BAZ2B: variants seen among roughly 807,000 people sequenced by gnomAD.
The protein encoded by BAZ2B is bromodomain adjacent to zinc finger domain protein 2B.
Under a neutral mutation model 246.0 loss-of-function variants are expected in BAZ2B, and 91 were observed. The ratio of observed to expected loss-of-function variants is 0.37; its 90% CI spans 0.31 to 0.44. BAZ2B has a LOEUF of 0.44. Ranked by LOEUF, BAZ2B falls within the 20% of genes least tolerant of loss-of-function variation. The probability of loss-of-function intolerance (pLI) is 1.00; values close to 1 mark genes in which losing one functional copy is unlikely to be tolerated. For synonymous variants in BAZ2B, 855 were observed against 860.0 expected (o/e 0.99, Z 0.10); for missense variants, 2,332 against 2,533.7 (o/e 0.92, Z 1.71).
chr2:159,591,137 T>A (rs1361641354), intron 1 of BAZ2B, among the ~76,000 whole-genome samples: 1 of 152,200 alleles, frequency 6.6e-6, no homozygotes, highest in Non-Finnish European at 1.5e-5. Flanking sequence ...TTACTACCTA[T>A]GAATAAAAAT....
At chr2:159,676,521 T>C in the BAZ2B span, among the ~76,000 whole-genome samples, 3 of 152,128 alleles carry the variant, frequency 2.0e-5, no homozygotes, top group Admixed American at 1.3e-4. Context: ...ATTAAAAATA[T>C]GTAGTCATTT....
chr2:159,536,134 G>A (rs2151352169), intron 2 of BAZ2B: 1 of 152,292 alleles, frequency 6.6e-6, no homozygotes, highest in East Asian at 1.9e-4. Flanking sequence ...ACAAGTTTGA[G>A]GGGTTAAGTT....
the BAZ2B span, among the ~76,000 whole-genome samples, chr2:159,708,113 C>T: frequency 1.3e-5 from 2 of 152,032 alleles, no homozygotes; most frequent in Non-Finnish European, 2.9e-5. Flanking sequence ...GAGTTTGGGA[C>T]CAGCCTGGGC....
chr2:159,519,671 T>TC (rs1553693229), intron 2 of BAZ2B, among the ~76,000 whole-genome samples: 1 of 67,078 alleles, frequency 1.5e-5, no homozygotes, highest in Non-Finnish European at 3.4e-5. Flanking sequence ...ACCTTTCTTC[T>TC]TTTTTTTTTT....
At chr2:159,521,695 C>A (rs1447880704) in intron 2 of BAZ2B, among the ~76,000 whole-genome samples, 4 of 151,900 alleles carry the variant, frequency 2.6e-5, no homozygotes, top group Non-Finnish European at 5.9e-5. Context: ...GCTTTTTATT[C>A]ATCACATTTA....
downstream of BAZ2B, among the ~76,000 whole-genome samples, chr2:159,315,870 G>A (rs937388476): frequency 4.6e-5 from 7 of 152,252 alleles, no homozygotes; most frequent in African/African-American, 1.7e-4. Flanking sequence ...TTCATTTCTA[G>A]AGGAATTTGT....
At chr2:159,596,173 T>C (rs1333789870) in intron 1 of BAZ2B, among the ~76,000 whole-genome samples, 2 of 152,218 alleles carry the variant, frequency 1.3e-5, no homozygotes, top group Non-Finnish European at 2.9e-5. Context: ...CTGGCCTCTT[T>C]ACACTCTTAG....
At chr2:159,661,517 G>C in the BAZ2B span, among the ~76,000 whole-genome samples, 4 of 152,088 alleles carry the variant, frequency 2.6e-5, no homozygotes, top group African/African-American at 9.7e-5. Flanking sequence ...GCTTTTTAAA[G>C]CCAAACTGTT....
intron 1 of BAZ2B, among the ~76,000 whole-genome samples, chr2:159,566,302 C>T (rs546997730): frequency 4.5e-4 from 69 of 152,268 alleles, no homozygotes; most frequent in Admixed American, 1.5e-3. Context: ...TGACCCACCG[C>T]GCCTGGCAAT....
At chr2:159,349,357 A>G (rs1244421890) in intron 28 of BAZ2B, 77 bp from the exon 29 acceptor site, 1 of 1,384,604 alleles carries the variant, frequency 7.2e-7, no homozygotes, top group Admixed American at 2.6e-5. Context: ...ATATGAAATT[A>G]TTTTTCAAAT....
At chr2:159,656,669 G>T in the BAZ2B span, among the ~76,000 whole-genome samples, 9 of 152,106 alleles carry the variant, frequency 5.9e-5, no homozygotes, top group Non-Finnish European at 1.3e-4. Flanking sequence ...TTCTTAATAG[G>T]TCATTTCTTC....
chr2:159,466,912 T>G (rs1448083871), intron 3 of BAZ2B, among the ~76,000 whole-genome samples: 2 of 152,170 alleles, frequency 1.3e-5, no homozygotes, highest in Admixed American at 6.5e-5. Context: ...CTGATTCAAT[T>G]GCTAAACACC....
At chr2:159,587,246 T>A (rs535885505) in intron 1 of BAZ2B, among the ~76,000 whole-genome samples, 2 of 151,798 alleles carry the variant, frequency 1.3e-5, no homozygotes, top group Admixed American at 6.6e-5. Flanking sequence ...GCCTGGCTAA[T>A]TTTTTTTGTA....
chr2:159,696,012 A>G, the BAZ2B span, among the ~76,000 whole-genome samples: 2 of 152,098 alleles, frequency 1.3e-5, no homozygotes, highest in Non-Finnish European at 2.9e-5. Flanking sequence ...CCCCAACCTT[A>G]GCCTCCCAAA....
chr2:159,389,033 C>T (rs1234308292), intron 21 of BAZ2B, among the ~76,000 whole-genome samples: 1 of 151,860 alleles, frequency 6.6e-6, no homozygotes, highest in Admixed American at 6.6e-5. Context: ...CTTCAGTGAG[C>T]TATAATCCTG....
At chr2:159,394,466 T>C (rs568253847) in intron 20 of BAZ2B, among the ~76,000 whole-genome samples, 1 of 152,094 alleles carries the variant, frequency 6.6e-6, no homozygotes, top group East Asian at 1.9e-4. Flanking sequence ...AGGGTGTCAA[T>C]AGGCCTGGGT....
chr2:159,694,797 T>G, the BAZ2B span: 4 of 152,216 alleles, frequency 2.6e-5, no homozygotes, highest in Admixed American at 6.6e-5. Flanking sequence ...GTGTATAGGG[T>G]TTTGTGTGAC....
At chr2:159,389,607 A>G in intron 20 of BAZ2B, 122 bp from the exon 21 acceptor site, 1 of 864,928 alleles carries the variant, frequency 1.2e-6, no homozygotes, top group Non-Finnish European at 1.6e-6. Context: ...CTAATTTTCA[A>G]AATAATCTTA....
the BAZ2B span, among the ~76,000 whole-genome samples, chr2:159,705,886 T>G: frequency 7.0e-6 from 1 of 143,070 alleles, no homozygotes; most frequent in African/African-American, 2.5e-5. Context: ...AAAAAAACAC[T>G]GTGAAAGCAG....
Sources: gnomAD v4.1 joint callset for allele counts (sites outside exome capture counted in the v4.1 genomes callset) on GRCh38, gnomAD v4.1.1 for gene constraint, MANE v1.5 for transcripts, NCBI Gene and HGNC (gene_info 2026-07-23, HGNC 2026-07-21) for gene names.